Variants in TFCP2 observed in about 807,000 individuals in gnomAD.
TFCP2 encodes transcription factor CP2.
Under a neutral mutation model 73.4 loss-of-function variants are expected in TFCP2, and 33 were observed. That is an observed-to-expected ratio of 0.45 (90% CI 0.34 to 0.60). TFCP2 has a LOEUF of 0.60. TFCP2 is among the 20% of genes least tolerant of loss of function. TFCP2 has a pLI of 0.01. For missense variants in TFCP2, 352 were observed against 604.0 expected (o/e 0.58, Z 4.37); for synonymous variants, 193 against 211.6 (o/e 0.91, Z 0.76).
intron 1 of TFCP2, among the ~76,000 whole-genome samples, chr12:51,141,426 C>T (rs1362857437): frequency 6.6e-6 from 1 of 152,168 alleles, no homozygotes; most frequent in East Asian, 1.9e-4. Flanking sequence ...TCTGAAATTT[C>T]CTTATCTATC....
At chr12:51,095,942 G>A (rs773897007) in intron 14 of TFCP2, 47 bp downstream of exon 14, 9 of 1,509,316 alleles carry the variant, frequency 6.0e-6, no homozygotes, top group Non-Finnish European at 7.3e-6. Flanking sequence ...CCTAGTAGTA[G>A]TAAAGCTGTT....
intron 1 of TFCP2, among the ~76,000 whole-genome samples, chr12:51,164,597 G>GAA (rs34452012): frequency 3.4e-4 from 34 of 99,312 alleles, no homozygotes; most frequent in Non-Finnish European, 5.7e-4. Context: ...ACTCCATCTC[G>GAA]AAAAAAAAAA....
rs1940162538 is a variant in TFCP2 at position 51,103,694 on chromosome 12, T to A, written c.1036A>T (p.Thr346Ser). ...CCTGAGAAGTTTGTGAAAAGCCTTGTGAATGTAGAAAAACGATTTCGATGC... is the reference window on the plus strand; with the variant it reads ...CCTGAGAAGTTTGTGAAAAGCCTTGAGAATGTAGAAAAACGATTTCGATGC... ...WLHRNRFSTFTRLFTNFSGAD... is the reference protein window; with the variant it reads ...WLHRNRFSTFSRLFTNFSGAD... The change falls in exon 10 of 15, where the codon ACA becomes TCA. Residue 346 changes from threonine to serine, a missense_variant. This residue lies in a region of TFCP2 where 194 missense variants were observed against 256.3 expected (regional missense o/e 0.76). Coordinates refer to ENST00000257915, the MANE Select transcript of TFCP2 (RefSeq NM_005653.5). 11 of 1,614,056 alleles carry A rather than the reference T, an allele frequency of 6.8e-6. No homozygotes were observed. Among genetic ancestry groups the A allele is most frequent in the Non-Finnish European group, 9.3e-6 (11 of 1,179,992 alleles).
intron 1 of TFCP2, among the ~76,000 whole-genome samples, chr12:51,141,676 G>A (rs1195765197): frequency 5.9e-5 from 9 of 151,670 alleles, no homozygotes; most frequent in Admixed American, 5.3e-4. Context: ...GATGTGGGCA[G>A]ATCACTTGAG....
intron 1 of TFCP2, among the ~76,000 whole-genome samples, chr12:51,134,378 G>A (rs916985780): frequency 1.3e-4 from 20 of 151,966 alleles, no homozygotes; most frequent in Admixed American, 9.2e-4. Context: ...TTCACCTCCC[G>A]GGCTGAAGCC....
intron 1 of TFCP2, among the ~76,000 whole-genome samples, chr12:51,158,009 A>AT (rs947055714): frequency 4.0e-5 from 6 of 149,686 alleles, no homozygotes; most frequent in South Asian, 2.1e-4. Context: ...TATAATCTTA[A>AT]TTTTTTTTTA....
rs190050752 is a variant in TFCP2 at position 51,129,299 on chromosome 12, G to A, written c.123-10527C>T. Reference sequence around the variant, plus strand: ...GAGGCTGAGGTGGGCGGATCACGAGGTCAGGAGTTTGAGACCAGCCCGGCC... The same window carrying A: ...GAGGCTGAGGTGGGCGGATCACGAGATCAGGAGTTTGAGACCAGCCCGGCC... On this transcript the variant is annotated intron_variant, in intron 1 of 14. Coordinates refer to ENST00000257915, the MANE Select transcript of TFCP2 (RefSeq NM_005653.5). Among the ~76,000 whole-genome samples, 1,036 of 151,984 alleles carry A rather than the reference G, an allele frequency of 6.8e-3. 2 individuals carry two copies. The highest frequency in any genetic ancestry group is 0.027 in the Middle Eastern group (8 of 294).
chr12:51,106,678 T>C (rs1293638483), intron 7 of TFCP2, 65 bp from the exon 8 acceptor site: 1 of 1,276,480 alleles, frequency 7.8e-7, no homozygotes, highest in African/African-American at 1.5e-5. Context: ...GACTAAAACA[T>C]TGTTACTTGA....
At chr12:51,125,019 G>A (rs766651638) in intron 1 of TFCP2, 1 of 738,378 alleles carries the variant, frequency 1.4e-6, no homozygotes. Context: ...ATCAAAGCGA[G>A]CCACCACTGA....
intron 10 of TFCP2, among the ~76,000 whole-genome samples, chr12:51,102,676 G>A (rs1232315604): frequency 6.6e-6 from 1 of 152,170 alleles, no homozygotes; most frequent in Non-Finnish European, 1.5e-5. Flanking sequence ...AGTGAGCTAA[G>A]ATTGTGCTTC....
chr12:51,144,066 T>G (rs1941241460), intron 1 of TFCP2, among the ~76,000 whole-genome samples: 1 of 152,158 alleles, frequency 6.6e-6, no homozygotes, highest in African/African-American at 2.4e-5. Context: ...AGGGTCTCAT[T>G]GCTGCCCAGG....
At chr12:51,164,711 T>C (rs192790620) in intron 1 of TFCP2, among the ~76,000 whole-genome samples, 8 of 152,104 alleles carry the variant, frequency 5.3e-5, no homozygotes, top group African/African-American at 1.9e-4. Flanking sequence ...ATATTACTAC[T>C]AATTTTATAT....
chr12:51,103,175 C>T (rs1011189169), intron 10 of TFCP2, among the ~76,000 whole-genome samples: 1 of 151,852 alleles, frequency 6.6e-6, no homozygotes, highest in Non-Finnish European at 1.5e-5. Flanking sequence ...CCCAGCTAAT[C>T]AGGAGGCTAA....
intron 4 of TFCP2, among the ~76,000 whole-genome samples, chr12:51,115,151 G>A (rs1346464594): frequency 2.5e-5 from 3 of 120,916 alleles, no homozygotes; most frequent in South Asian, 5.3e-4. Flanking sequence ...AGAGAGTCTC[G>A]CTCTGTCACC....
In TFCP2 at chr12:51,124,504, G is replaced by C. The variant is rs528371827; in HGVS notation, c.123-5732C>G. 50 of 380,840 alleles carry C rather than the reference G, an allele frequency of 1.3e-4. 1 individual carries two copies. In the East Asian group the frequency reaches 2.1e-3, roughly 16 times the overall value. The allele number at this position is 380,840 out of a possible 1,614,324, so 23.6% of individuals were successfully genotyped here. On this transcript the variant is annotated intron_variant, in intron 1 of 14. Transcript: ENST00000257915. ...AATTATGAAATTTCAGTGATTTCTG[G>C]GGTAGGGGGGTAAGGCAGTGTTAAG...
At chr12:51,152,357 A>ATTAAAGGAG (rs752020499) in intron 1 of TFCP2, among the ~76,000 whole-genome samples, 24,732 of 152,162 alleles carry the variant, frequency 0.16, 2,365 homozygotes, top group South Asian at 0.26. Context: ...AAGGAACAAG[A>ATTAAAGGAG]ACTGTTCCAG....
chr12:51,095,896 C>T (rs1395083330), intron 14 of TFCP2, 93 bp downstream of exon 14: 6 of 776,838 alleles, frequency 7.7e-6, no homozygotes, highest in Non-Finnish European at 1.1e-5. Context: ...AATATGGTTA[C>T]TTTTCCTATC....
chr12:51,124,712 C>T, intron 1 of TFCP2: 1 of 679,988 alleles, frequency 1.5e-6, no homozygotes, highest in Non-Finnish European at 2.7e-6. Context: ...TGGCAATCAG[C>T]TCGGTTGCCT....
At chr12:51,115,312 G>T (rs1940507151) in intron 4 of TFCP2, among the ~76,000 whole-genome samples, 1 of 151,890 alleles carries the variant, frequency 6.6e-6, no homozygotes, top group African/African-American at 2.4e-5. Flanking sequence ...AGTGGAGACG[G>T]GGTTTCACCA....
Sources: gnomAD v4.1 joint callset for allele counts (sites outside exome capture counted in the v4.1 genomes callset) on GRCh38, gnomAD v4.1.1 for gene constraint, gnomAD v4.1.1 regional missense constraint, MANE v1.5 for transcripts, NCBI Gene and HGNC (gene_info 2026-07-23, HGNC 2026-07-21) for gene names.